The following MED16 variants were observed in gnomAD, a reference collection of about 807,000 sequenced individuals.
The protein encoded by MED16 is mediator of RNA polymerase II transcription subunit 16.
Under a neutral mutation model 84.4 loss-of-function variants are expected in MED16, and 81 were observed. The ratio of observed to expected loss-of-function variants is 0.96; its 90% CI spans 0.80 to 1.15. The LOEUF is 1.15. Ranked by LOEUF, MED16 falls within the 50% of genes most tolerant of loss-of-function variation. The pLI is 0.00. For synonymous variants in MED16, 897 were observed against 552.2 expected (o/e 1.62, Z -8.76); for missense variants, 1,585 against 1,245.9 (o/e 1.27, Z -4.10).
chr19:892,930 CGCCCCG>C (rs2036671752), intron 1 of MED16, 150 bp downstream of exon 1: 1 of 95,000 alleles, frequency 1.1e-5, no homozygotes, highest in Admixed American at 9.7e-5. Context: ...CCGCGCCCCG[CGCCCCG>C]CGCCCCAGGC....
chr19:881,467 G>A, intron 7 of MED16, 92 bp downstream of exon 7: 1 of 1,446,554 alleles, frequency 6.9e-7, no homozygotes, highest in South Asian at 1.3e-5. Context: ...GTCCTCTGGT[G>A]TGAGCTCCCA....
intron 1 of MED16, 61 bp from the exon 2 acceptor site, chr19:891,210 G>A: frequency 2.0e-6 from 3 of 1,498,678 alleles, no homozygotes; most frequent in Non-Finnish European, 1.8e-6. Context: ...CATGTGGAGT[G>A]CCAGGCCAGA....
chr19:871,166 A>G lies in MED16; in HGVS notation c.2186T>C (p.Leu729Pro). 2 of 1,548,884 alleles carry G rather than the reference A, an allele frequency of 1.3e-6. No individual in the cohort carries two copies. The highest frequency in any genetic ancestry group is 1.2e-5 in the South Asian group (1 of 84,084). ...GCCGTCGCTGGCTGGCAGCCAGTCC[A>G]GGCTGGGGATAAGCAGCTGGCTGGG... is the stretch of plus-strand genomic sequence containing the variant. ...LLPSQLLIPS[L>P]DWLPASDGLV... is the part of the protein sequence containing the mutation. The change falls in exon 13 of 16, where the codon CTG (leucine) becomes CCG (proline). Residue 729 changes from leucine to proline, a missense_variant. Leu to Pro is a moderately conservative substitution (Grantham distance 98, BLOSUM62 -3). Coordinates refer to ENST00000325464, the MANE Select transcript of MED16 (RefSeq NM_005481.3).
Position 875,320 on chromosome 19 carries a change from G to T in MED16, c.1695C>A (p.Arg565=). 1 of 1,610,826 alleles carries T rather than the reference G, an allele frequency of 6.2e-7. No homozygotes were observed. The highest frequency in any genetic ancestry group is 8.5e-7 in the Non-Finnish European group (1 of 1,179,814). ...AISSTLKSLL[R]PHFLNTPDKS... ...TGTCAGGCGTGTTGAGAAAGTGGGG[G>T]CGCAGCAGCGACTTCAGGGTGGAGC... The change falls in exon 10 of 16, where the codon CGC becomes CGA. Residue 565 remains arginine (R), a synonymous_variant. Coordinates refer to ENST00000325464, the MANE Select transcript of MED16 (RefSeq NM_005481.3).
At chr19:869,022 G>A (rs889980156) in intron 13 of MED16, 76 bp from the exon 14 acceptor site, 2 of 1,315,810 alleles carry the variant, frequency 1.5e-6, no homozygotes, top group Admixed American at 5.2e-5. Flanking sequence ...TCTGTCCACA[G>A]GCGGGGGTGG....
intron 11 of MED16, among the ~76,000 whole-genome samples, chr19:872,348 G>C (rs892291950): frequency 1.3e-5 from 2 of 152,022 alleles, no homozygotes; most frequent in Non-Finnish European, 2.9e-5. Flanking sequence ...TCCCATCCCT[G>C]AGAGTCCACA....
chr19:890,743 G>C (rs1345873020), intron 2 of MED16, among the ~76,000 whole-genome samples: 1 of 152,192 alleles, frequency 6.6e-6, no homozygotes, highest in Non-Finnish European at 1.5e-5. Flanking sequence ...CCCGCACACG[G>C]GGCGATCTCA....
rs968050502 is a variant in MED16 at position 871,023 on chromosome 19, A to G, written c.2315+14T>C. 1 of 1,534,844 alleles carries G rather than the reference A, an allele frequency of 6.5e-7. No homozygotes were observed. Among genetic ancestry groups the G allele is most frequent in the Non-Finnish European group, 8.8e-7 (1 of 1,136,430 alleles). ...GAGTCCTGTGTTTGGGGACCAATGCAGGGACACACGCACCTGGCGAGGCCG... is the reference window on the plus strand; with the variant it reads ...GAGTCCTGTGTTTGGGGACCAATGCGGGGACACACGCACCTGGCGAGGCCG... On this transcript the variant is annotated intron_variant, in intron 13 of 15. Coordinates refer to ENST00000325464, the MANE Select transcript of MED16 (RefSeq NM_005481.3).
At chr19:882,393 TGC>T (rs2036438765) in intron 6 of MED16, among the ~76,000 whole-genome samples, 2 of 85,652 alleles carry the variant, frequency 2.3e-5, no homozygotes, top group African/African-American at 5.1e-5. Flanking sequence ...GATGCACGCC[TGC>T]ACACGCCTGT....
rs1338937861 is a variant in MED16 at position 872,981 on chromosome 19, GT to G, written c.1905+467del. 4.6e-4 allele frequency: 99 copies of G among 214,764 alleles called. 20 individuals carry two copies. Among genetic ancestry groups the G allele is most frequent in the South Asian group, 1.5e-3 (27 of 17,468 alleles). The allele number at this position is 214,764 out of a possible 1,614,324, so 13.3% of individuals were successfully genotyped here. A position where few individuals can be genotyped will look rare whatever the true frequency, so the allele number is the denominator to read the frequency against. ...CTCCGAGGTGGGGCAGGGCTCCGAGGTGGGGGAGGGCTCCGAGGTGGGGGAG... is the reference window on the plus strand; with the variant it reads ...CTCCGAGGTGGGGCAGGGCTCCGAGGGGGGGAGGGCTCCGAGGTGGGGGAG... On this transcript the variant is annotated intron_variant, in intron 11 of 15. Transcript: ENST00000325464.
intron 12 of MED16, 133 bp from the exon 13 acceptor site, chr19:871,386 C>A: frequency 7.6e-7 from 1 of 1,308,104 alleles, no homozygotes; most frequent in Non-Finnish European, 1.0e-6. Context: ...GGCTGGGTGA[C>A]CCCGGGGTTC....
At chr19:874,997 T>A (rs2036194754) in intron 10 of MED16, among the ~76,000 whole-genome samples, 2 of 151,162 alleles carry the variant, frequency 1.3e-5, no homozygotes, top group African/African-American at 4.9e-5. Flanking sequence ...ACCCCGTCTC[T>A]ACTAAAAATA....
chr19:871,317 C>T lies in MED16; in HGVS notation c.2099-64G>A, dbSNP rs534914077. 7.5e-5 allele frequency: 109 copies of T among 1,459,354 alleles called. No homozygotes were observed. The African/African-American group carries it at 9.1e-4, about 12-fold the overall frequency. The allele number at this position is 1,459,354 out of a possible 1,614,324, so 90.4% of individuals were successfully genotyped here. On this transcript the variant is annotated intron_variant, in intron 12 of 15. Transcript: ENST00000325464. The stretch of plus-strand genomic sequence containing the variant: ...TGGGGCACCGCCCGGCCACCCGGGA[C>T]GTGCTGGGAGCCCCTCCAGTTCAGG...
chr19:886,620 C>T (rs1439883814), intron 4 of MED16, among the ~76,000 whole-genome samples: 5 of 152,240 alleles, frequency 3.3e-5, no homozygotes, highest in Non-Finnish European at 7.3e-5. Flanking sequence ...CGGGGGCCGT[C>T]AGGCCCTGGG....
At chr19:886,339 C>T (rs1286622134) in intron 4 of MED16, 138 bp from the exon 5 acceptor site, 4 of 724,452 alleles carry the variant, frequency 5.5e-6, no homozygotes, top group Non-Finnish European at 8.5e-6. Flanking sequence ...GACTCGGCCA[C>T]CTGAGCCGTG....
chr19:876,291 A>C (rs1599325738), intron 9 of MED16, among the ~76,000 whole-genome samples: 1 of 151,954 alleles, frequency 6.6e-6, no homozygotes, highest in South Asian at 2.1e-4. Context: ...ACATAACCAC[A>C]CCACTGCAAG....
rs148391834 is a variant in MED16, at chr19:882,793, G to A, written c.986-1079C>T. 2.8e-3 allele frequency among the ~76,000 whole-genome samples: 430 copies of A among 152,362 alleles called. 9 individuals are homozygous for A. The highest frequency in any genetic ancestry group is 1.0e-2 in the African/African-American group (415 of 41,582). On this transcript the variant is annotated intron_variant, in intron 6 of 15. Transcript: ENST00000325464. ...TTACTCGGCTGAAGCTGACTACCAC[G>A]CAGCTGCTCTGTGCCACCCGCATCA...
chr19:890,798 T>C (rs1283068249), intron 2 of MED16, among the ~76,000 whole-genome samples, 165 bp downstream of exon 2: 3 of 152,170 alleles, frequency 2.0e-5, no homozygotes, highest in Admixed American at 1.3e-4. Context: ...CCACCCTCTG[T>C]ACCCCCAGGA....
rs981654461 is a variant in MED16 at position 881,409 on chromosome 19, C to G, written c.1141+150G>C. 5 of 860,896 alleles carry G rather than the reference C, an allele frequency of 5.8e-6. No homozygotes were observed. The African/African-American group carries it at 8.5e-5, about 15-fold the overall frequency. The allele number at this position is 860,896 out of a possible 1,614,324, so 53.3% of individuals were successfully genotyped here. On this transcript the variant is annotated intron_variant, in intron 7 of 15. Coordinates refer to ENST00000325464, the MANE Select transcript of MED16 (RefSeq NM_005481.3). ...CTCCTAATTGGGAACCCATCAGAACCCAGAAGGCTGAGCTCCTACAGCCCC... is the reference window on the plus strand; with the variant it reads ...CTCCTAATTGGGAACCCATCAGAACGCAGAAGGCTGAGCTCCTACAGCCCC...
Sources: allele counts gnomAD v4.1 joint callset (sites outside exome capture counted in the v4.1 genomes callset), GRCh38; gene constraint gnomAD v4.1.1; transcripts MANE v1.5; gene names NCBI Gene and HGNC (gene_info 2026-07-23, HGNC 2026-07-21).